Variants in EIF4G3 observed in about 807,000 individuals in gnomAD.
EIF4G3 encodes eIF-4-gamma 3.
In EIF4G3, 34 loss-of-function variants were observed where a neutral mutation model predicts 186.4. That is an observed-to-expected ratio of 0.18 (90% confidence interval 0.14 to 0.24). EIF4G3 has a LOEUF of 0.24. Ranked by LOEUF, EIF4G3 falls within the 10% of genes least tolerant of loss-of-function variation. The pLI is 1.00. For missense variants in EIF4G3, 1,536 were observed against 1,948.5 expected (o/e 0.79, Z 3.99); for synonymous variants, 673 against 679.5 (o/e 0.99, Z 0.15).
rs1180108130 is a variant in EIF4G3 at position 20,827,566 on chromosome 1, A to G, written c.4269+51T>C. ...TCACAGATAACCCAAGATCAAGATC[A>G]CTGCCCTTCCTAATAATACTGTTGA... On this transcript the variant is annotated intron_variant, in intron 32 of 36. Coordinates refer to ENST00000602326, the MANE Select transcript of EIF4G3 (RefSeq NM_001391906.1). The G allele has an allele frequency of 2.5e-6, 3 of 1,178,586 alleles. No individual in the cohort carries two copies. In the African/African-American group the frequency reaches 4.5e-5, roughly 18 times the overall value. 73.0% of individuals were successfully genotyped at this position (1,178,586 alleles called of 1,614,324 possible). A position where few individuals can be genotyped will look rare whatever the true frequency, so the allele number is the denominator to read the frequency against.
In EIF4G3 at chr1:21,109,361, G is replaced by C. The variant is rs78456777; in HGVS notation, c.-271-20148C>G. On this transcript the variant is annotated intron_variant, in intron 2 of 36. Coordinates refer to ENST00000602326, the MANE Select transcript of EIF4G3 (RefSeq NM_001391906.1). ...AACACAAATAATAGAATATTTAAAT[G>C]GGACTGGACATGGTGGCTCATGCCT... is the stretch of plus-strand genomic sequence containing the variant. Among the ~76,000 whole-genome samples, 895 of 152,216 alleles carry C rather than the reference G, an allele frequency of 5.9e-3. 11 individuals carry two copies. The highest frequency in any genetic ancestry group is 0.024 in the East Asian group (125 of 5,176).
intron 14 of EIF4G3, among the ~76,000 whole-genome samples, chr1:20,925,206 ACT>A (rs2094799155): frequency 1.3e-5 from 2 of 152,106 alleles, no homozygotes; most frequent in Admixed American, 6.5e-5. Context: ...TTAGAGTAAA[ACT>A]CATTTGTAAG....
At chr1:21,169,351 T>C (rs2103044940) in intron 2 of EIF4G3, among the ~76,000 whole-genome samples, 1 of 152,136 alleles carries the variant, frequency 6.6e-6, no homozygotes, top group Admixed American at 6.5e-5. Context: ...CTTGGGAGGC[T>C]GAGGCAGAAT....
chr1:21,046,561 T>C (rs1232432111), intron 4 of EIF4G3, among the ~76,000 whole-genome samples: 3 of 152,190 alleles, frequency 2.0e-5, no homozygotes, highest in Non-Finnish European at 4.4e-5. Flanking sequence ...AGATTGAGGG[T>C]CAAACATTGA....
At position 20,988,960 on chromosome 1, in the gene EIF4G3, G is replaced by C. The variant is rs77194216; in HGVS notation, c.178-6552C>G. On this transcript the variant is annotated intron_variant, in intron 7 of 36. Coordinates refer to ENST00000602326, the MANE Select transcript of EIF4G3 (RefSeq NM_001391906.1). ...GTACGACTGGAGTCCCAGCTACTTA[G>C]GAGGCTGAGGTTGCAGAATTGTTCT... 4.1e-5 allele frequency among the ~76,000 whole-genome samples: 6 copies of C among 148,098 alleles called. No homozygotes were observed. The South Asian group carries it at 1.1e-3, about 27-fold the overall frequency.
At chr1:21,025,697 C>T (rs1297207428) in intron 4 of EIF4G3, among the ~76,000 whole-genome samples, 1 of 152,104 alleles carries the variant, frequency 6.6e-6, no homozygotes, top group Non-Finnish European at 1.5e-5. Context: ...TCTCTCAAGG[C>T]TTCTGCAATA....
chr1:20,859,888 C>T (rs938169975), intron 24 of EIF4G3, among the ~76,000 whole-genome samples: 1 of 152,196 alleles, frequency 6.6e-6, no homozygotes, highest in Non-Finnish European at 1.5e-5. Flanking sequence ...CCACTGCGTC[C>T]GGCCTGCTAC....
At chr1:21,010,578 C>T (rs2086755277) in intron 4 of EIF4G3, among the ~76,000 whole-genome samples, 1 of 152,112 alleles carries the variant, frequency 6.6e-6, no homozygotes. Context: ...TTGCAAAAAA[C>T]AAACTCTATA....
At chr1:20,957,629 C>G (rs2096465978) in intron 12 of EIF4G3, among the ~76,000 whole-genome samples, 1 of 151,498 alleles carries the variant, frequency 6.6e-6, no homozygotes, top group African/African-American at 2.4e-5. Context: ...AACATTGGTT[C>G]TTTGAAAAAA....
chr1:20,945,947 G>A (rs1188601878), intron 13 of EIF4G3, among the ~76,000 whole-genome samples: 1 of 152,098 alleles, frequency 6.6e-6, no homozygotes, highest in Non-Finnish European at 1.5e-5. Flanking sequence ...TTTTCATTTT[G>A]CTTAGCTGTA....
Position 20,853,622 on chromosome 1 carries a change from T to G in EIF4G3, c.3489A>C (p.Pro1163=), listed in dbSNP as rs768371224. The part of the protein sequence containing the change: ...SLNRFSALQP[P]APSGSTPSTP... ...TGGATGGCGTGGACCCTGAGGGTGC[T>G]GGAGGTTGCAGGGCAGAGAATCTGT... is the stretch of plus-strand genomic sequence containing the variant. Residue 1163 remains proline, a synonymous_variant, in exon 27 of 37, where the codon CCA becomes CCC. Coordinates refer to ENST00000602326, the MANE Select transcript of EIF4G3 (RefSeq NM_001391906.1). 1.2e-6 allele frequency: 2 copies of G among 1,613,942 alleles called. No individual in the cohort carries two copies.
intron 19 of EIF4G3, among the ~76,000 whole-genome samples, chr1:20,882,251 C>G (rs2082621641): frequency 6.6e-6 from 1 of 151,656 alleles, no homozygotes; most frequent in Non-Finnish European, 1.5e-5. Flanking sequence ...GAGCTCATGC[C>G]TGTAATCCCA....
At chr1:20,971,759 G>A (rs545259659) in intron 11 of EIF4G3, among the ~76,000 whole-genome samples, 4 of 152,196 alleles carry the variant, frequency 2.6e-5, no homozygotes, top group Admixed American at 6.5e-5. Context: ...TCAGCCTCCC[G>A]AGTAGCTGGA....
At position 21,001,311 on chromosome 1, in the gene EIF4G3, G is replaced by C; in HGVS notation, c.32C>G (p.Pro11Arg). The stretch of plus-strand genomic sequence containing the variant: ...GCAATGTATTGGCACTGTTCTGCTG[G>C]GCTGTCAAAAAAACTGGTTTAGAGA... MNSQPQTRSP[P>R]SRTVPIHCTD... Residue 11 changes from proline to arginine, a missense_variant and splice_region_variant, in exon 6 of 37, where the codon CCC becomes CGC. This residue lies in a region of EIF4G3 where 194 missense variants were observed against 212.8 expected (regional missense o/e 0.91). Coordinates refer to ENST00000602326, the MANE Select transcript of EIF4G3 (RefSeq NM_001391906.1). 1 of 470,994 alleles carries C rather than the reference G, an allele frequency of 2.1e-6. No individual in the cohort carries two copies. Among genetic ancestry groups the C allele is most frequent in the South Asian group, 1.5e-5 (1 of 64,534 alleles). The allele number at this position is 470,994 out of a possible 1,614,324, so 29.2% of individuals were successfully genotyped here. A position where few individuals can be genotyped will look rare whatever the true frequency, so the allele number is the denominator to read the frequency against.
intron 2 of EIF4G3, among the ~76,000 whole-genome samples, chr1:21,117,492 G>A (rs1384757576): frequency 6.6e-6 from 1 of 151,792 alleles, no homozygotes; most frequent in African/African-American, 2.4e-5. Flanking sequence ...GCTTTGCATT[G>A]TTCATTATAA....
At chr1:21,062,613 T>C (rs954562221) in intron 3 of EIF4G3, among the ~76,000 whole-genome samples, 18 of 152,148 alleles carry the variant, frequency 1.2e-4, no homozygotes, top group Non-Finnish European at 2.2e-4. Flanking sequence ...TTTTTTGAGA[T>C]GGAGTTTTAC....
intron 19 of EIF4G3, among the ~76,000 whole-genome samples, chr1:20,884,125 G>T (rs1400386694): frequency 6.6e-6 from 1 of 152,122 alleles, no homozygotes; most frequent in Non-Finnish European, 1.5e-5. Context: ...TTAAAAGAAA[G>T]TGTCAAGAAA....
chr1:21,018,908 G>A (rs1328305014), intron 4 of EIF4G3, among the ~76,000 whole-genome samples: 1 of 149,234 alleles, frequency 6.7e-6, no homozygotes, highest in African/African-American at 2.4e-5. Flanking sequence ...ACAGAACCAT[G>A]AGACTAATAA....
Position 20,810,658 on chromosome 1 carries a change from A to C in EIF4G3, c.4744+80T>G. Reference sequence around the variant, plus strand: ...TGATTCTTTTATTGTCCTTTGTTCGAACCCTAAATCATCTCTAAGTCCTGG... The same window carrying C: ...TGATTCTTTTATTGTCCTTTGTTCGCACCCTAAATCATCTCTAAGTCCTGG... On this transcript the variant is annotated intron_variant, in intron 36 of 36. Transcript: ENST00000602326. The surrounding 1 kb of genome is among the most constrained non-coding windows in gnomAD (Gnocchi z 4.1). 5 of 1,480,254 alleles carry C rather than the reference A, an allele frequency of 3.4e-6. No individual in the cohort carries two copies. Among genetic ancestry groups the C allele is most frequent in the Non-Finnish European group, 4.7e-6 (5 of 1,071,424 alleles). The allele number at this position is 1,480,254 out of a possible 1,614,324, so 91.7% of individuals were successfully genotyped here.
Sources: gnomAD v4.1 joint callset for allele counts (sites outside exome capture counted in the v4.1 genomes callset) on GRCh38, gnomAD v4.1.1 for gene constraint, gnomAD v4.1.1 regional missense constraint, Gnocchi (gnomAD v3.1) non-coding constraint, MANE v1.5 for transcripts, NCBI Gene and HGNC (gene_info 2026-07-23, HGNC 2026-07-21) for gene names.